Variants in DUT observed in about 807,000 individuals in gnomAD.
DUT encodes deoxyuridine triphosphatase, also known as deoxyuridine 5'-triphosphate nucleotidohydrolase, mitochondrial.
Under a neutral mutation model 28.8 loss-of-function variants are expected in DUT, and 21 were observed. The ratio of observed to expected loss-of-function variants is 0.73; its 90% CI spans 0.52 to 1.05. The LOEUF (loss-of-function observed/expected upper bound fraction) is 1.05, where lower values mean the gene tolerates loss of function less well. Among genes scored for constraint, DUT ranks in the 50% least tolerant of loss-of-function variants. The probability of loss-of-function intolerance (pLI) is 0.00; values close to 1 mark genes in which losing one functional copy is unlikely to be tolerated. For missense variants in DUT, 344 were observed against 351.8 expected, an observed-to-expected ratio of 0.98 and a Z score of 0.18; for synonymous variants, 147 against 143.7, an observed-to-expected ratio of 1.02 and a Z score of -0.17.
chr15:48,337,738 T>C (rs2042490250), intron 4 of DUT, among the ~76,000 whole-genome samples: 2 of 152,180 alleles, frequency 1.3e-5, no homozygotes, highest in African/African-American at 4.8e-5. Flanking sequence ...TAAAATCACA[T>C]TGTGGTGTGT....
intron 4 of DUT, among the ~76,000 whole-genome samples, chr15:48,338,239 T>C (rs1036540082): frequency 4.6e-5 from 7 of 152,208 alleles, no homozygotes; most frequent in South Asian, 2.1e-4. Context: ...TACATTTGAA[T>C]TGACTTCAAA....
At chr15:48,338,551 T>C (rs1035193334) in intron 4 of DUT, among the ~76,000 whole-genome samples, 2 of 152,156 alleles carry the variant, frequency 1.3e-5, no homozygotes, top group Non-Finnish European at 2.9e-5. Context: ...AAATCCAGCC[T>C]CACTAGTCAT....
Position 48,342,011 on chromosome 15 carries a change from C to T in DUT, c.703-11C>T. ...AAAAACTGTGAAGCTTACTACCTTT[C>T]TATCTTTCAGGCCTTGGATGACACC... On this transcript the variant is annotated splice_polypyrimidine_tract_variant and intron_variant, in intron 6 of 6. Transcript: ENST00000331200. The T allele has an allele frequency of 6.4e-7, 1 of 1,565,340 alleles. No individual in the cohort carries two copies. Among genetic ancestry groups the T allele is most frequent in the South Asian group, 1.2e-5 (1 of 81,958 alleles).
rs997059089 is a variant in DUT, at chr15:48,331,775, G to T, written c.260G>T (p.Gly87Val). The change falls in exon 1 of 7, where the codon GGA becomes GTA. Residue 87 changes from glycine to valine, a missense_variant. Transcript: ENST00000331200. ...AAGGGCGAGCTTCCTAAGGCGGGGG[G>T]AAGCCCGGCGCCGGGGCCGGGTAGG... Reference protein sequence around the residue: ...GWKGELPKAGGSPAPGPETPA... With the variant: ...GWKGELPKAGVSPAPGPETPA... The T allele has an allele frequency of 7.2e-7, 1 of 1,385,862 alleles. No individual in the cohort carries two copies. The highest frequency in any genetic ancestry group is 9.3e-7 in the Non-Finnish European group (1 of 1,075,306). The allele number at this position is 1,385,862 out of a possible 1,614,324, so 85.8% of individuals were successfully genotyped here.
chr15:48,331,408 T>C, upstream of DUT: 4 of 1,511,716 alleles, frequency 2.6e-6, no homozygotes, highest in Non-Finnish European at 3.5e-6. Context: ...CGGCGGCGGC[T>C]GCGACTGCTT....
Position 48,331,699 on chromosome 15 carries a change from C to T in DUT, c.184C>T (p.Arg62Cys), listed in dbSNP as rs1056085301. The T allele has an allele frequency of 4.0e-6, 6 of 1,518,086 alleles. No homozygotes were observed. Among genetic ancestry groups the T allele is most frequent in the Non-Finnish European group, 4.4e-6 (5 of 1,134,112 alleles). The allele number at this position is 1,518,086 out of a possible 1,614,324, so 94.0% of individuals were successfully genotyped here. The change falls in exon 1 of 7, where the codon CGC (arginine) becomes TGC (cysteine). Residue 62 changes from arginine (R) to cysteine (C), a missense_variant. Transcript: ENST00000331200. The stretch of plus-strand genomic sequence containing the variant: ...TCCCCGGCCGCTGTCCAGCGCTGGC[C>T]GCCTGAGCCAAGGCTGCCGCGGAGC... ...GIPRPLSSAGRLSQGCRGAST... is the reference protein window; with the variant it reads ...GIPRPLSSAGCLSQGCRGAST...
At chr15:48,332,574 A>T (rs960130588) in intron 2 of DUT, 168 bp downstream of exon 2, 2 of 736,404 alleles carry the variant, frequency 2.7e-6, no homozygotes, top group African/African-American at 1.8e-5. Context: ...TTAAATAGAG[A>T]TTTGGGCAAA....
chr15:48,336,025 G>T, intron 3 of DUT, 21 bp from the exon 4 acceptor site: 6 of 1,601,498 alleles, frequency 3.7e-6, no homozygotes, highest in Non-Finnish European at 5.1e-6. Context: ...AATAACCAAT[G>T]TCTCCTTTTT....
chr15:48,332,206 T>C, intron 1 of DUT, 62 bp from the exon 2 acceptor site: 2 of 1,524,438 alleles, frequency 1.3e-6, no homozygotes, highest in Non-Finnish European at 1.8e-6. Flanking sequence ...CATCGTGCGC[T>C]CTCCTCTTCC....
intron 1 of DUT, chr15:48,332,028 C>G: frequency 2.0e-6 from 2 of 980,958 alleles, no homozygotes; most frequent in Non-Finnish European, 2.8e-6. Context: ...TGACTGGGAC[C>G]CAGTAGTTTC....
At chr15:48,332,152 C>A in intron 1 of DUT, 116 bp from the exon 2 acceptor site, 3 of 1,424,634 alleles carry the variant, frequency 2.1e-6, no homozygotes, top group Non-Finnish European at 2.8e-6. Context: ...TGGGGCGGGG[C>A]TGGCGGGAAA....
intron 6 of DUT, 84 bp downstream of exon 6, chr15:48,341,669 C>T: frequency 1.8e-6 from 2 of 1,113,830 alleles, no homozygotes; most frequent in Non-Finnish European, 2.6e-6. Flanking sequence ...ATTTAATATG[C>T]TGTTTGTAAC....
At chr15:48,341,621 A>G (rs373735696) in intron 6 of DUT, 36 bp downstream of exon 6, 212 of 1,500,908 alleles carry the variant, frequency 1.4e-4, no homozygotes, top group Non-Finnish European at 1.9e-4. Flanking sequence ...AATAAGTAAT[A>G]TAACATCTTA....
chr15:48,332,434 C>T, intron 2 of DUT, 28 bp downstream of exon 2: 13 of 1,505,420 alleles, frequency 8.6e-6, no homozygotes, highest in Admixed American at 7.6e-5. Context: ...GGCGAGGAGG[C>T]TGGGAAGGGC....
At chr15:48,336,155 T>TA (rs1384018082) in intron 4 of DUT, 65 bp downstream of exon 4, 1 of 1,313,996 alleles carries the variant, frequency 7.6e-7, no homozygotes, top group Non-Finnish European at 1.0e-6. Context: ...TAAAAGGTAA[T>TA]ATTCAAATGA....
chr15:48,341,467 T>C, intron 5 of DUT, 48 bp from the exon 6 acceptor site: 1 of 1,581,346 alleles, frequency 6.3e-7, no homozygotes, highest in East Asian at 2.2e-5. Flanking sequence ...AGACAGGATA[T>C]GGCGAATGTG....
At chr15:48,334,624 G>T (rs1033594000) in intron 3 of DUT, 116 bp downstream of exon 3, 56 of 664,004 alleles carry the variant, frequency 8.4e-5, no homozygotes, top group Non-Finnish European at 1.3e-4. Context: ...CCTAAAAGAA[G>T]CACCATTTGT....
At chr15:48,333,783 G>A (rs2042445177) in intron 2 of DUT, among the ~76,000 whole-genome samples, 1 of 152,186 alleles carries the variant, frequency 6.6e-6, no homozygotes, top group South Asian at 2.1e-4. Flanking sequence ...CATAGCCTAA[G>A]CTTGGTAAAC....
At chr15:48,331,345 G>A (rs1214448492), upstream of DUT, 8 of 1,449,034 alleles carry the variant, frequency 5.5e-6, no homozygotes, top group East Asian at 2.6e-5. Context: ...TGGGGCCCCA[G>A]GGCCTGCGCC....
Sources: gnomAD v4.1 joint callset for allele counts (sites outside exome capture counted in the v4.1 genomes callset) on GRCh38, gnomAD v4.1.1 for gene constraint, MANE v1.5 for transcripts, NCBI Gene and HGNC (gene_info 2026-07-23, HGNC 2026-07-21) for gene names.